The following ADGRV1 variants were observed in gnomAD, a reference collection of about 807,000 sequenced individuals.
The protein encoded by ADGRV1 is adhesion G protein-coupled receptor V1, also known as G-protein coupled receptor 98.
Under a neutral mutation model 596.2 loss-of-function variants are expected in ADGRV1, and 359 were observed. That is an observed-to-expected ratio of 0.60 (90% CI 0.55 to 0.66). The LOEUF is 0.66. ADGRV1 is among the 30% of genes least tolerant of loss of function. ADGRV1 has a pLI of 0.00. For missense variants in ADGRV1, 7,274 were observed against 7,575.6 expected (o/e 0.96, Z 1.48); for synonymous variants, 2,681 against 2,679.2 (o/e 1.00, Z -0.02).
At chr5:90,721,525 A>AAAATTAAATTAAATT (rs57822565) in intron 45 of ADGRV1, among the ~76,000 whole-genome samples, 8 of 80,658 alleles carry the variant, frequency 9.9e-5, no homozygotes, top group African/African-American at 3.2e-4. Flanking sequence ...AAAATAAAAT[A>AAAATTAAATTAAATT]AAAATAAAAA....
intron 84 of ADGRV1, among the ~76,000 whole-genome samples, chr5:90,981,625 C>G (rs1359751108): frequency 6.6e-6 from 1 of 152,108 alleles, no homozygotes; most frequent in East Asian, 1.9e-4. Flanking sequence ...ACATCCTGTC[C>G]AGGGCTGGTT....
intron 50 of ADGRV1, among the ~76,000 whole-genome samples, chr5:90,740,839 T>G (rs543125118): frequency 2.4e-4 from 37 of 152,234 alleles, no homozygotes; most frequent in South Asian, 2.1e-4. Context: ...CCGGGGAATC[T>G]CTTGTGTGCC....
At chr5:90,734,745 C>G (rs1002272916) in intron 50 of ADGRV1, among the ~76,000 whole-genome samples, 4 of 151,982 alleles carry the variant, frequency 2.6e-5, no homozygotes, top group Admixed American at 2.0e-4. Context: ...GCCACCATGC[C>G]CAGCTAATTT....
intron 85 of ADGRV1, among the ~76,000 whole-genome samples, chr5:91,063,007 G>A (rs1231990814): frequency 7.3e-6 from 1 of 137,062 alleles, no homozygotes; most frequent in Non-Finnish European, 1.5e-5. Flanking sequence ...TACCCAGGCT[G>A]GAGTGCAGTG....
intron 1 of ADGRV1, among the ~76,000 whole-genome samples, chr5:90,612,444 A>G (rs574043744): frequency 6.6e-6 from 1 of 152,152 alleles, no homozygotes; most frequent in East Asian, 1.9e-4. Context: ...TAAAATGTAA[A>G]TGGCAGTACA....
Position 90,729,747 on chromosome 5 carries a change from C to T in ADGRV1, c.10532C>T (p.Thr3511Ile), listed in dbSNP as rs1418082999. The T allele has an allele frequency of 6.2e-7, 1 of 1,613,376 alleles. No homozygotes were observed. Among genetic ancestry groups the T allele is most frequent in the Non-Finnish European group, 8.5e-7 (1 of 1,179,482 alleles). The change falls in exon 50 of 90, where the codon ACA becomes ATA. Residue 3511 changes from threonine to isoleucine, a missense_variant. Physicochemically the swap from Thr to Ile is moderately conservative, Grantham distance 89. Around this residue, in one of 5 missense-constraint regions of ADGRV1, gnomAD observed 3,643 missense variants for 3,809.2 expected, o/e 0.96. Transcript: ENST00000405460. ...GCTGTTAACAGAATCCACTCCTTCA[C>T]ACCAGCCTCAGGAATAGGTAAGGAC... is the stretch of plus-strand genomic sequence containing the variant. The part of the protein sequence containing the change: ...FAAVNRIHSF[T>I]PASGIAHILL...
intron 83 of ADGRV1, among the ~76,000 whole-genome samples, chr5:90,881,520 CA>C: frequency 6.6e-6 from 1 of 151,910 alleles, no homozygotes; most frequent in Non-Finnish European, 1.5e-5. Flanking sequence ...TGTATTTTTC[CA>C]TAAATTCATC....
chr5:90,963,267 C>A (rs534484019), intron 83 of ADGRV1, among the ~76,000 whole-genome samples: 1 of 152,120 alleles, frequency 6.6e-6, no homozygotes, highest in East Asian at 1.9e-4. Flanking sequence ...CTAAACCATA[C>A]CATACTCTTA....
intron 85 of ADGRV1, chr5:91,031,305 A>T: frequency 6.9e-7 from 1 of 1,456,886 alleles, no homozygotes; most frequent in Non-Finnish European, 9.6e-7. Context: ...CAAACATAGT[A>T]AAATGCTGCT....
chr5:91,006,630 C>A (rs929625690), intron 85 of ADGRV1, among the ~76,000 whole-genome samples: 8 of 152,184 alleles, frequency 5.3e-5, no homozygotes, highest in Non-Finnish European at 1.2e-4. Flanking sequence ...GATGTTCTCA[C>A]TGTTCATAGT....
chr5:90,641,898 C>T (rs971920078), intron 11 of ADGRV1, among the ~76,000 whole-genome samples: 1 of 152,080 alleles, frequency 6.6e-6, no homozygotes, highest in African/African-American at 2.4e-5. Flanking sequence ...ACGTTAAAAC[C>T]AGAAATTTAA....
chr5:90,672,917 C>T lies in ADGRV1; in HGVS notation c.4929+195C>T, dbSNP rs1772689509. ...TATCAGGTAGAGTTAGTTTCTTCAT[C>T]ACTTTATTTTGTACAGAACTTTATC... On this transcript the variant is annotated intron_variant, in intron 22 of 89. Transcript: ENST00000405460. 7.8e-6 allele frequency: 4 copies of T among 509,564 alleles called. No homozygotes were observed. The South Asian group carries it at 1.1e-4, about 14-fold the overall frequency. 31.6% of individuals were successfully genotyped at this position (509,564 alleles called of 1,614,324 possible).
chr5:90,942,132 C>T (rs1426695441), intron 83 of ADGRV1, among the ~76,000 whole-genome samples: 1 of 152,162 alleles, frequency 6.6e-6, no homozygotes, highest in Non-Finnish European at 1.5e-5. Flanking sequence ...CTCATTGACA[C>T]CGTACATTGG....
chr5:91,148,947 T>G (rs1268545100), intron 87 of ADGRV1, among the ~76,000 whole-genome samples: 1 of 152,262 alleles, frequency 6.6e-6, no homozygotes, highest in Non-Finnish European at 1.5e-5. Context: ...TATTGGATTT[T>G]GGACTTGCAT....
chr5:90,679,600 A>G lies in ADGRV1; in HGVS notation c.5495A>G (p.Glu1832Gly). The G allele has an allele frequency of 1.2e-6, 2 of 1,613,560 alleles. No individual in the cohort carries two copies. The highest frequency in any genetic ancestry group is 2.7e-5 in the African/African-American group (2 of 75,002). ...DGSGSGDGDM[E>G]FFLPTIHKRA... is the part of the protein sequence containing the mutation. ...AGTGGTAGTGGTGATGGGGACATGGAATTCTTCCTTCCAACTATTCACAAA... is the reference window on the plus strand; with the variant it reads ...AGTGGTAGTGGTGATGGGGACATGGGATTCTTCCTTCCAACTATTCACAAA... The change falls in exon 26 of 90, where the codon GAA becomes GGA. Residue 1832 changes from glutamate (E) to glycine (G), a missense_variant. Physicochemically the swap from Glu to Gly is moderately conservative, Grantham distance 98 (BLOSUM62 -2). Coordinates refer to ENST00000405460, the MANE Select transcript of ADGRV1 (RefSeq NM_032119.4).
rs1473468579 is a variant in ADGRV1, at chr5:90,637,868, A to G, written c.2160A>G (p.Gln720=). The change falls in exon 11 of 90, where the codon CAA becomes CAG. Residue 720 remains glutamine, a synonymous_variant. Coordinates refer to ENST00000405460, the MANE Select transcript of ADGRV1 (RefSeq NM_032119.4). ...FNGSVLFLSG[Q]SDTTINITIK... The stretch of plus-strand genomic sequence containing the variant: ...GCTCTGTTTTGTTTTTATCTGGGCA[A>G]AGTGACACAACAATCAACATTACTA... 2 of 1,613,616 alleles carry G rather than the reference A, an allele frequency of 1.2e-6. No individual in the cohort carries two copies. Among genetic ancestry groups the G allele is most frequent in the African/African-American group, 1.3e-5 (1 of 74,926 alleles).
chr5:90,828,915 TG>T (rs1764285810), intron 76 of ADGRV1, 28 bp from the exon 77 acceptor site: 2 of 1,468,016 alleles, frequency 1.4e-6, no homozygotes, highest in Non-Finnish European at 1.8e-6. Flanking sequence ...TAGTAATAGT[TG>T]TTTTTTTTTC....
chr5:91,107,113 C>G (rs1029337839), intron 87 of ADGRV1, among the ~76,000 whole-genome samples: 1 of 152,106 alleles, frequency 6.6e-6, no homozygotes, highest in African/African-American at 2.4e-5. Flanking sequence ...TACAGTAGGT[C>G]TGGGTGGAAT....
chr5:90,753,500 T>C lies in ADGRV1; in HGVS notation c.11122-74T>C, dbSNP rs1354119042. The stretch of plus-strand genomic sequence containing the variant: ...AAGTTATAGGTTTAATAAAAGAAAA[T>C]CAATTTTTAAAATATTCTTACTACA... On this transcript the variant is annotated intron_variant, in intron 53 of 89. Transcript: ENST00000405460. 26 of 1,118,636 alleles carry C rather than the reference T, an allele frequency of 2.3e-5. No individual in the cohort carries two copies. The East Asian group carries it at 6.2e-4, about 27-fold the overall frequency. 69.3% of individuals were successfully genotyped at this position (1,118,636 alleles called of 1,614,324 possible).
Sources: gnomAD v4.1 joint callset for allele counts (sites outside exome capture counted in the v4.1 genomes callset) on GRCh38, gnomAD v4.1.1 for gene constraint, gnomAD v4.1.1 regional missense constraint, MANE v1.5 for transcripts, NCBI Gene and HGNC (gene_info 2026-07-23, HGNC 2026-07-21) for gene names.